The following PSG5 variants were observed in gnomAD, a reference collection of about 807,000 sequenced individuals.
PSG5 encodes the protein pregnancy-specific beta-1-glycoprotein 5.
A neutral mutation model predicts 37.7 loss-of-function variants in PSG5; 53 were observed. The ratio of observed to expected loss-of-function variants is 1.41; its 90% confidence interval spans 1.13 to 1.77. PSG5 has a LOEUF of 1.77. Among genes scored for constraint, PSG5 ranks in the 40% most tolerant of loss-of-function variants. The pLI is 0.00. For synonymous variants in PSG5, 221 were observed against 155.4 expected (o/e 1.42, Z -3.14); for missense variants, 547 against 405.2 (o/e 1.35, Z -3.00).
In PSG5 at chr19:43,175,512, G is replaced by A. The variant is rs532856564; in HGVS notation, c.710-43C>T. On this transcript the variant is annotated intron_variant, in intron 3 of 5. Coordinates refer to ENST00000342951, the MANE Select transcript of PSG5 (RefSeq NM_002781.4). ...AAGCCACAGGTGATGTCATCCAAGGGAAGGGGATGCTCCTGGTCTCTTAAA... is the reference window on the plus strand; with the variant it reads ...AAGCCACAGGTGATGTCATCCAAGGAAAGGGGATGCTCCTGGTCTCTTAAA... The A allele has an allele frequency of 6.2e-5, 98 of 1,571,386 alleles. 3 individuals carry two copies. In the South Asian group the frequency reaches 1.0e-3, roughly 16 times the overall value.
chr19:43,172,035 AATTCTAAT>A (rs1968918185), intron 4 of PSG5, among the ~76,000 whole-genome samples: 1 of 151,058 alleles, frequency 6.6e-6, no homozygotes, highest in Non-Finnish European at 1.5e-5. Context: ...GATTACTACC[AATTCTAAT>A]AAAATAATGA....
At position 43,184,799 on chromosome 19, in the gene PSG5, A is replaced by C; in HGVS notation, c.413T>G (p.Phe138Cys). ...TCACTCACGGTATAAGTTGAAGGTG[A>C]AATATCCAGTTACTCCTCTAGTCCT... Reference protein sequence around the residue: ...GDRTRGVTGYFTFNLYLKLPK... With the variant: ...GDRTRGVTGYCTFNLYLKLPK... The change falls in exon 2 of 6, where the codon TTC (phenylalanine) becomes TGC (cysteine). Residue 138 changes from phenylalanine (F) to cysteine (C), a missense_variant. Transcript: ENST00000342951. 6.2e-7 allele frequency: 1 copy of C among 1,612,320 alleles called. No individual in the cohort carries two copies.
At chr19:43,185,924 A>G (rs1006880608) in intron 1 of PSG5, among the ~76,000 whole-genome samples, 1 of 145,396 alleles carries the variant, frequency 6.9e-6, no homozygotes, top group Non-Finnish European at 1.5e-5. Context: ...GGTGTATTTT[A>G]CCCTATCCAG....
intron 4 of PSG5, among the ~76,000 whole-genome samples, chr19:43,173,101 G>A (rs1968937116): frequency 6.6e-6 from 1 of 151,640 alleles, no homozygotes; most frequent in Non-Finnish European, 1.5e-5. Context: ...TTCATGGAGT[G>A]TTCCAAGATC....
chr19:43,178,703 T>C (rs1357262308), intron 2 of PSG5, among the ~76,000 whole-genome samples: 1 of 151,616 alleles, frequency 6.6e-6, no homozygotes, highest in South Asian at 2.1e-4. Context: ...TTTTCTCCTA[T>C]TGTGGATCAA....
Position 43,183,529 on chromosome 19 carries a change from G to A in PSG5, c.430+1253C>T, listed in dbSNP as rs10420227. 1.7e-3 allele frequency: 894 copies of A among 513,956 alleles called. 25 individuals carry two copies. The highest frequency in any genetic ancestry group is 0.015 in the African/African-American group (781 of 50,552). The allele number at this position is 513,956 out of a possible 1,614,324, so 31.8% of individuals were successfully genotyped here. ...TGATCCTTTCATGACAGTGACATGGGCACTTTGGGAAACACAGGATTTCAG... is the reference window on the plus strand; with the variant it reads ...TGATCCTTTCATGACAGTGACATGGACACTTTGGGAAACACAGGATTTCAG... On this transcript the variant is annotated intron_variant, in intron 2 of 5. Transcript: ENST00000342951.
intron 4 of PSG5, 159 bp from the exon 5 acceptor site, chr19:43,170,297 A>T: frequency 1.5e-5 from 12 of 792,236 alleles, no homozygotes; most frequent in African/African-American, 5.5e-5. Context: ...ATATTCTTGC[A>T]GTTTTTTTTT....
intron 2 of PSG5, among the ~76,000 whole-genome samples, chr19:43,184,337 C>A (rs985042252): frequency 6.6e-5 from 10 of 151,646 alleles, no homozygotes; most frequent in African/African-American, 1.7e-4. Context: ...CACAACCCAG[C>A]ACTGGCACAG....
At chr19:43,183,330 G>A (rs769358774) in intron 2 of PSG5, 12 of 483,862 alleles carry the variant, frequency 2.5e-5, no homozygotes, top group South Asian at 4.6e-5. Flanking sequence ...GACAGGTGTG[G>A]CTAGAACCTC....
chr19:43,175,141 T>A (rs1478704152), intron 4 of PSG5, 74 bp downstream of exon 4: 11 of 1,610,170 alleles, frequency 6.8e-6, no homozygotes, highest in Non-Finnish European at 9.3e-6. Context: ...TAAAAATGTT[T>A]TCCTAACTCT....
At chr19:43,178,235 T>C (rs1969052501) in intron 2 of PSG5, among the ~76,000 whole-genome samples, 1 of 151,592 alleles carries the variant, frequency 6.6e-6, no homozygotes, top group Admixed American at 6.6e-5. Flanking sequence ...CCAGGGACTA[T>C]GATCCTCTTG....
At chr19:43,185,475 A>T (rs1966916879) in intron 1 of PSG5, among the ~76,000 whole-genome samples, 1 of 141,122 alleles carries the variant, frequency 7.1e-6, no homozygotes, top group Non-Finnish European at 1.5e-5. Context: ...ACATCAGGGC[A>T]TCCTTAGACT....
chr19:43,181,324 T>C (rs887685128), intron 2 of PSG5, among the ~76,000 whole-genome samples: 6 of 151,678 alleles, frequency 4.0e-5, no homozygotes, highest in Non-Finnish European at 5.9e-5. Flanking sequence ...GTTGTTCCAC[T>C]TTTTTTCCCC....
At position 43,175,152 on chromosome 19, in the gene PSG5, T is replaced by C. The variant is rs749141267; in HGVS notation, c.964+63A>G. 5.3e-5 allele frequency: 85 copies of C among 1,610,958 alleles called. 2 individuals carry two copies. The highest frequency in any genetic ancestry group is 7.0e-5 in the Non-Finnish European group (83 of 1,178,856). On this transcript the variant is annotated intron_variant, in intron 4 of 5. Coordinates refer to ENST00000342951, the MANE Select transcript of PSG5 (RefSeq NM_002781.4). ...GGAATAAAAATGTTTTCCTAACTCT[T>C]CTCTGAAAGCCAGGTAGACTCCACC...
intron 2 of PSG5, among the ~76,000 whole-genome samples, chr19:43,179,814 G>C (rs1969090336): frequency 6.6e-6 from 1 of 151,834 alleles, no homozygotes; most frequent in East Asian, 1.9e-4. Flanking sequence ...AGAGTCCAAG[G>C]AATGACCTAC....
chr19:43,170,169 G>T, intron 4 of PSG5, 31 bp from the exon 5 acceptor site: 1 of 1,543,698 alleles, frequency 6.5e-7, no homozygotes, highest in Non-Finnish European at 8.9e-7. Context: ...AAGAAGGAAT[G>T]AAGGTGATGT....
chr19:43,180,258 AGG>A (rs1969100009), intron 2 of PSG5: 2 of 151,450 alleles, frequency 1.3e-5, no homozygotes, highest in African/African-American at 4.9e-5. Flanking sequence ...CAGGATGAGG[AGG>A]TTCTAGAGAT....
Position 43,168,637 on chromosome 19 carries a change from G to C in PSG5, c.*41-434C>G, listed in dbSNP as rs184489523. Among the ~76,000 whole-genome samples, 63 of 151,906 alleles carry C rather than the reference G, an allele frequency of 4.1e-4. 1 individual carries two copies. Among genetic ancestry groups the C allele is most frequent in the African/African-American group, 1.2e-3 (51 of 41,342 alleles). On this transcript the variant is annotated intron_variant, in intron 5 of 5. Coordinates refer to ENST00000342951, the MANE Select transcript of PSG5 (RefSeq NM_002781.4). ...TGTGCCCACCTCGGCCTCCCAAACTGCTGGGATTGCAGGCGTGAGCCATCG... is the reference window on the plus strand; with the variant it reads ...TGTGCCCACCTCGGCCTCCCAAACTCCTGGGATTGCAGGCGTGAGCCATCG...
At chr19:43,181,952 G>A (rs895524903) in intron 2 of PSG5, among the ~76,000 whole-genome samples, 1 of 151,636 alleles carries the variant, frequency 6.6e-6, no homozygotes, top group African/African-American at 2.4e-5. Flanking sequence ...GAGTCCATGG[G>A]CATTGGGGAC....
Sources: allele counts gnomAD v4.1 joint callset (sites outside exome capture counted in the v4.1 genomes callset), GRCh38; gene constraint gnomAD v4.1.1; transcripts MANE v1.5; gene names NCBI Gene and HGNC (gene_info 2026-07-23, HGNC 2026-07-21).